Variants in PYGO1 observed in about 807,000 individuals in gnomAD.
PYGO1 encodes pygopus homolog 1.
A neutral mutation model predicts 29.5 loss-of-function variants in PYGO1; 6 were observed. The observed-to-expected ratio is 0.20, with a 90% CI of 0.11 to 0.40. PYGO1 has a LOEUF of 0.40. PYGO1 is among the 10% of genes least tolerant of loss of function. The pLI is 1.00. For missense variants in PYGO1, 515 were observed against 514.9 expected, an observed-to-expected ratio of 1.00 and a Z score of 0.00; for synonymous variants, 186 against 180.5, an observed-to-expected ratio of 1.03 and a Z score of -0.24.
chr15:55,546,987 C>T lies in PYGO1; in HGVS notation c.296G>A (p.Gly99Glu), dbSNP rs2058854912. 2.5e-6 allele frequency: 4 copies of T among 1,613,940 alleles called. No individual in the cohort carries two copies. The highest frequency in any genetic ancestry group is 3.4e-6 in the Non-Finnish European group (4 of 1,179,974). The stretch of plus-strand genomic sequence containing the variant: ...TGGCATTCTGAATGTACTATAGCCT[C>T]CAAAGCCAGGATAACCAGGGCCAAG... The part of the protein sequence containing the change: ...PYLGPGYPGF[G>E]GYSTFRMPPH... The change falls in exon 3 of 3, where the codon GGA becomes GAA. Residue 99 changes from glycine (G) to glutamate (E), a missense_variant. Coordinates refer to ENST00000563719, the MANE Select transcript of PYGO1 (RefSeq NM_001367806.1).
chr15:55,583,601 C>T (rs535646484), intron 1 of PYGO1, among the ~76,000 whole-genome samples: 3 of 152,268 alleles, frequency 2.0e-5, no homozygotes, highest in East Asian at 1.9e-4. Flanking sequence ...ATTGCAGCCT[C>T]GACCTCCTGG....
intron 1 of PYGO1, among the ~76,000 whole-genome samples, chr15:55,584,662 C>A (rs1441128116): frequency 2.6e-5 from 4 of 152,102 alleles, no homozygotes; most frequent in Admixed American, 2.6e-4. Context: ...CTCATTCATT[C>A]ATTTGACATT....
chr15:55,575,393 G>C (rs2058997210), intron 1 of PYGO1, among the ~76,000 whole-genome samples: 1 of 152,086 alleles, frequency 6.6e-6, no homozygotes, highest in Non-Finnish European at 1.5e-5. Context: ...TGCTTTTTAA[G>C]CTTTATGACA....
rs571613480 is a variant in PYGO1, at chr15:55,574,754, T to C, written c.49+13081A>G. ...GACAGCTAATGTCATTTATTTTTTA[T>C]CTACCTACAATATATGGCCTTATCC... is the stretch of plus-strand genomic sequence containing the variant. On this transcript the variant is annotated intron_variant, in intron 1 of 2. Coordinates refer to ENST00000563719, the MANE Select transcript of PYGO1 (RefSeq NM_001367806.1). 6.0e-4 allele frequency among the ~76,000 whole-genome samples: 91 copies of C among 152,172 alleles called. 1 individual carries two copies. The highest frequency in any genetic ancestry group is 8.1e-4 in the Non-Finnish European group (55 of 68,002).
intron 1 of PYGO1, among the ~76,000 whole-genome samples, chr15:55,573,249 T>C (rs185886788): frequency 1.3e-5 from 2 of 151,612 alleles, no homozygotes; most frequent in Admixed American, 1.3e-4. Context: ...GAGGTTGCAG[T>C]GAGCCAAGAC....
rs10648446 is a variant in PYGO1 at position 55,576,760 on chromosome 15, C to CAAA, written c.49+11072_49+11074dup. ...CTGCACTCCAGCCTGGGCGACAGAT[C>CAAA]AAAAAAAAGAAGTGGGGGAAAAGAT... On this transcript the variant is annotated intron_variant, in intron 1 of 2. Transcript: ENST00000563719. Among the ~76,000 whole-genome samples, 5 of 53,544 alleles carry CAAA rather than the reference C, an allele frequency of 9.3e-5. 1 individual carries two copies. The highest frequency in any genetic ancestry group is 3.2e-4 in the African/African-American group (5 of 15,824). 35.1% of individuals were successfully genotyped at this position (53,544 alleles called of 152,430 possible). A position where few individuals can be genotyped will look rare whatever the true frequency, so the allele number is the denominator to read the frequency against.
intron 1 of PYGO1, among the ~76,000 whole-genome samples, chr15:55,556,684 C>T (rs1010963897): frequency 7.1e-6 from 1 of 140,722 alleles, no homozygotes; most frequent in Non-Finnish European, 1.5e-5. Context: ...ACAAAAAACC[C>T]TTCAAAAAAA....
At chr15:55,579,434 G>C (rs927369984) in intron 1 of PYGO1, among the ~76,000 whole-genome samples, 25 of 152,044 alleles carry the variant, frequency 1.6e-4, no homozygotes, top group African/African-American at 5.8e-4. Context: ...AATAGAAAAA[G>C]GTAATTCTTA....
At chr15:55,574,208 T>A (rs187572496) in intron 1 of PYGO1, among the ~76,000 whole-genome samples, 1 of 152,246 alleles carries the variant, frequency 6.6e-6, no homozygotes, top group Non-Finnish European at 1.5e-5. Flanking sequence ...AATGAACTGC[T>A]TTCATAGAGA....
chr15:55,555,088 A>C (rs1048692304), intron 1 of PYGO1, among the ~76,000 whole-genome samples: 4 of 152,110 alleles, frequency 2.6e-5, no homozygotes, highest in Non-Finnish European at 4.4e-5. Context: ...ATGAAAAAAA[A>C]AATGTTATGG....
chr15:55,561,526 CA>C (rs1390798931), intron 1 of PYGO1, among the ~76,000 whole-genome samples: 1 of 152,162 alleles, frequency 6.6e-6, no homozygotes, highest in Non-Finnish European at 1.5e-5. Flanking sequence ...ATAAAACCAT[CA>C]AATCTCCTGA....
chr15:55,572,899 G>A (rs2058985791), intron 1 of PYGO1, among the ~76,000 whole-genome samples: 1 of 151,948 alleles, frequency 6.6e-6, no homozygotes, highest in African/African-American at 2.4e-5. Flanking sequence ...AAAGCCAGGT[G>A]TGGTAGCTAA....
At chr15:55,584,887 C>T (rs2059040166) in intron 1 of PYGO1, among the ~76,000 whole-genome samples, 1 of 152,150 alleles carries the variant, frequency 6.6e-6, no homozygotes, top group African/African-American at 2.4e-5. Flanking sequence ...TCTACTCACA[C>T]CTTTATAATC....
Position 55,543,770 on chromosome 15 carries a change from G to GCTCT in PYGO1, c.*2249_*2252dup, listed in dbSNP as rs1240098778. The GCTCT allele has an allele frequency of 6.6e-6, 1 of 152,128 alleles. No homozygotes were observed. The highest frequency in any genetic ancestry group is 1.9e-4 in the East Asian group (1 of 5,204). The allele number at this position is 152,128 out of a possible 1,614,324, so 9.4% of individuals were successfully genotyped here. ...TTCTACTCAAAATATCTATCATCTAGCTCTATTCAGGGTAATAATAAATCA... is the reference window on the plus strand; with the variant it reads ...TTCTACTCAAAATATCTATCATCTAGCTCTCTCTATTCAGGGTAATAATAAATCA... On this transcript the variant is annotated 3_prime_UTR_variant, in exon 3 of 3. Coordinates refer to ENST00000563719, the MANE Select transcript of PYGO1 (RefSeq NM_001367806.1).
At chr15:55,571,545 G>A (rs1010629389) in intron 1 of PYGO1, among the ~76,000 whole-genome samples, 1 of 152,058 alleles carries the variant, frequency 6.6e-6, no homozygotes, top group Non-Finnish European at 1.5e-5. Context: ...TAAGTCTCAC[G>A]AGATCTGACG....
intron 2 of PYGO1, 78 bp from the exon 3 acceptor site, chr15:55,547,225 G>A: frequency 2.4e-6 from 3 of 1,275,728 alleles, no homozygotes; most frequent in African/African-American, 1.5e-5. Flanking sequence ...CTTAATACCT[G>A]TGAACCTAGT....
chr15:55,544,076 T>C lies in PYGO1; in HGVS notation c.*1947A>G, dbSNP rs1180961037. On this transcript the variant is annotated 3_prime_UTR_variant, in exon 3 of 3. Coordinates refer to ENST00000563719, the MANE Select transcript of PYGO1 (RefSeq NM_001367806.1). ...TATATCATTTTGTTTCCTAAAATTG[T>C]AAAGATAAATATTTTACAACTACTG... 1 of 152,156 alleles carries C rather than the reference T, an allele frequency of 6.6e-6. No individual in the cohort carries two copies. Among genetic ancestry groups the C allele is most frequent in the African/African-American group, 2.4e-5 (1 of 41,434 alleles). 9.4% of individuals were successfully genotyped at this position (152,156 alleles called of 1,614,324 possible).
chr15:55,551,898 G>A (rs563536294), intron 1 of PYGO1, among the ~76,000 whole-genome samples: 6 of 152,094 alleles, frequency 3.9e-5, no homozygotes, highest in African/African-American at 9.6e-5. Flanking sequence ...ATGACAAAGC[G>A]GGATTTTTCC....
Position 55,548,922 on chromosome 15 carries a change from C to T in PYGO1, c.123G>A (p.Lys41=), listed in dbSNP as rs527841751. 2.3e-5 allele frequency: 37 copies of T among 1,611,586 alleles called. 1 individual carries two copies. In the South Asian group the frequency reaches 4.1e-4, roughly 18 times the overall value. ...AATGTCAGTTTACCTGTGTATTTGCCTTGCGCTTTTTCTTATCTGGGCTTC... is the reference window on the plus strand; with the variant it reads ...AATGTCAGTTTACCTGTGTATTTGCTTTGCGCTTTTTCTTATCTGGGCTTC... ...QLGSPDKKKR[K]ANTQGPSFPP... is the part of the protein sequence containing the mutation. Residue 41 remains lysine, a synonymous_variant, in exon 2 of 3, where the codon AAG becomes AAA. Transcript: ENST00000563719.
Sources: gnomAD v4.1 joint callset for allele counts (sites outside exome capture counted in the v4.1 genomes callset) on GRCh38, gnomAD v4.1.1 for gene constraint, MANE v1.5 for transcripts, NCBI Gene and HGNC (gene_info 2026-07-23, HGNC 2026-07-21) for gene names.